Variants in BAIAP2 observed in about 807,000 individuals in gnomAD.
The protein encoded by BAIAP2 is BAR/IMD domain-containing adapter protein 2.
Under a neutral mutation model 63.0 loss-of-function variants are expected in BAIAP2, and 18 were observed. The observed-to-expected ratio is 0.29, with a 90% CI of 0.20 to 0.42. BAIAP2 has a LOEUF of 0.42. BAIAP2 is among the 10% of genes least tolerant of loss of function. The pLI is 1.00. For missense variants in BAIAP2, 610 were observed against 734.3 expected, an observed-to-expected ratio of 0.83 and a Z score of 1.96; for synonymous variants, 386 against 307.6, an observed-to-expected ratio of 1.25 and a Z score of -2.67.
intron 13 of BAIAP2, chr17:81,109,376 A>G: frequency 1.4e-5 from 3 of 206,902 alleles, no homozygotes; most frequent in Middle Eastern, 2.3e-3. Context: ...AAATCTTAAA[A>G]AAAAAAAAAA....
Position 81,076,961 on chromosome 17 carries a change from C to A in BAIAP2, c.218-7871C>A, listed in dbSNP as rs75419828. Among the ~76,000 whole-genome samples the A allele has an allele frequency of 3.4e-3, 521 of 152,182 alleles. 2 individuals are homozygous for A. Among genetic ancestry groups the A allele is most frequent in the African/African-American group, 0.012 (498 of 41,508 alleles). The stretch of plus-strand genomic sequence containing the variant: ...ACTCCAGCCTGGTGACAGAGTGAGA[C>A]CCCTGGCTCTAAAAAGACAAGAAGG... On this transcript the variant is annotated intron_variant, in intron 3 of 13. Coordinates refer to ENST00000428708, the MANE Select transcript of BAIAP2 (RefSeq NM_001144888.2).
In BAIAP2 at chr17:81,104,850, G is replaced by T. The variant is rs971215603; in HGVS notation, c.1268+135G>T. 5 of 965,966 alleles carry T rather than the reference G, an allele frequency of 5.2e-6. No individual in the cohort carries two copies. In the African/African-American group the frequency reaches 8.2e-5, roughly 16 times the overall value. 59.8% of individuals were successfully genotyped at this position (965,966 alleles called of 1,614,324 possible). On this transcript the variant is annotated intron_variant, in intron 10 of 13. Transcript: ENST00000428708. ...TGCGGGTCCTCGCCGTAGAAGACCT[G>T]GGCAGTGAGAGCAAGCGTGACCTGG...
chr17:81,092,435 G>A (rs1449047565), intron 6 of BAIAP2, among the ~76,000 whole-genome samples: 4 of 152,334 alleles, frequency 2.6e-5, no homozygotes, highest in South Asian at 2.1e-4. Context: ...GGAGGGGTGG[G>A]CGTGAGGTTG....
At chr17:81,070,678 G>A (rs1318698313) in intron 3 of BAIAP2, among the ~76,000 whole-genome samples, 4 of 152,138 alleles carry the variant, frequency 2.6e-5, no homozygotes, top group Non-Finnish European at 5.9e-5. Flanking sequence ...CTCAGCCCCC[G>A]CAGAGCCTCA....
Position 81,106,086 on chromosome 17 carries a change from G to T in BAIAP2, c.1277G>T (p.Trp426Leu). The T allele has an allele frequency of 6.3e-7, 1 of 1,577,652 alleles. No individual in the cohort carries two copies. The highest frequency in any genetic ancestry group is 8.6e-7 in the Non-Finnish European group (1 of 1,161,324). The change falls in exon 11 of 14, where the codon TGG becomes TTG. Residue 426 changes from tryptophan to leucine, a missense_variant. By Grantham distance (61) the Trp-to-Leu change is moderately conservative. This residue lies in a region of BAIAP2 where 67 missense variants were observed against 132.0 expected (regional missense o/e 0.51). Coordinates refer to ENST00000428708, the MANE Select transcript of BAIAP2 (RefSeq NM_001144888.2). ...TGGGGCCTCTCTTCCAGGCGGGGCT[G>T]GTTTCCCTTCTCCTACACCCGGGTC... is the stretch of plus-strand genomic sequence containing the variant. ...GESEKTKMRG[W>L]FPFSYTRVLD...
chr17:81,035,358 C>G, intron 1 of BAIAP2, 50 bp downstream of exon 1: 1 of 1,167,128 alleles, frequency 8.6e-7, no homozygotes, highest in Non-Finnish European at 1.1e-6. Context: ...GCGCCTGGGT[C>G]GCGCGCCGCC....
chr17:81,091,041 C>T (rs2056648844), intron 6 of BAIAP2, among the ~76,000 whole-genome samples: 1 of 147,470 alleles, frequency 6.8e-6, no homozygotes, highest in South Asian at 2.1e-4. Flanking sequence ...CCAGTGCATT[C>T]CACCCCGCCC....
chr17:81,049,660 G>A (rs750309420), intron 1 of BAIAP2, among the ~76,000 whole-genome samples: 3 of 152,222 alleles, frequency 2.0e-5, no homozygotes, highest in Non-Finnish European at 4.4e-5. Flanking sequence ...CGTCGGTGTG[G>A]CTGAGAACAG....
intron 7 of BAIAP2, among the ~76,000 whole-genome samples, chr17:81,103,076 C>T (rs2058707793): frequency 6.6e-6 from 1 of 152,222 alleles, no homozygotes; most frequent in South Asian, 2.1e-4. Flanking sequence ...TCTGACGGGG[C>T]TGCCTTCCTG....
chr17:81,048,532 C>CTGCT (rs1016583289), intron 1 of BAIAP2, among the ~76,000 whole-genome samples: 1 of 152,092 alleles, frequency 6.6e-6, no homozygotes, highest in Admixed American at 6.5e-5. Context: ...GGGGGTTTTG[C>CTGCT]TGCTGCCTTG....
At chr17:81,102,192 GGGCA>G (rs2058585566) in intron 7 of BAIAP2, among the ~76,000 whole-genome samples, 1 of 151,332 alleles carries the variant, frequency 6.6e-6, no homozygotes, top group Non-Finnish European at 1.5e-5. Context: ...CAGGGTGTGA[GGGCA>G]GCCTCCCAGG....
intron 6 of BAIAP2, among the ~76,000 whole-genome samples, chr17:81,096,795 G>A (rs1433758846): frequency 6.6e-6 from 1 of 152,270 alleles, no homozygotes; most frequent in Non-Finnish European, 1.5e-5. Flanking sequence ...CCCTGAATCT[G>A]GCTGTCGCAC....
In BAIAP2 at chr17:81,046,077, A is replaced by C. The variant is rs2047761451; in HGVS notation, c.55-7591A>C. Among the ~76,000 whole-genome samples, 1 of 151,936 alleles carries C rather than the reference A, an allele frequency of 6.6e-6. No individual in the cohort carries two copies. Among genetic ancestry groups the C allele is most frequent in the Admixed American group, 6.6e-5 (1 of 15,262 alleles). ...TCCCCTCGGCTGTGGGGACCCTATT[A>C]ATACTCACAGGGAGGCAGAGCTGCC... On this transcript the variant is annotated intron_variant, in intron 1 of 13. Transcript: ENST00000428708. The surrounding 1 kb of genome is among the most constrained non-coding windows in gnomAD (Gnocchi z 4.5).
intron 6 of BAIAP2, among the ~76,000 whole-genome samples, chr17:81,092,493 C>T (rs2145564578): frequency 6.6e-6 from 1 of 152,228 alleles, no homozygotes; most frequent in South Asian, 2.1e-4. Context: ...TCTCTGTCTG[C>T]CTGCCAGGGT....
chr17:81,063,567 A>AGGCG (rs2050952624), intron 3 of BAIAP2, among the ~76,000 whole-genome samples: 1 of 152,110 alleles, frequency 6.6e-6, no homozygotes, highest in African/African-American at 2.4e-5. Context: ...TAAGTGAAGG[A>AGGCG]GGCGTTCGTC....
chr17:81,103,936 C>G lies in BAIAP2; in HGVS notation c.894C>G (p.Ile298Met), dbSNP rs544940030. 39 of 1,613,036 alleles carry G rather than the reference C, an allele frequency of 2.4e-5. 2 individuals are homozygous for G. In the South Asian group the frequency reaches 4.1e-4, roughly 17 times the overall value. Residue 298 changes from isoleucine (I) to methionine (M), a missense_variant, in exon 9 of 14, where the codon ATC becomes ATG. Physicochemically the swap from Ile to Met is conservative, Grantham distance 10. Coordinates refer to ENST00000428708, the MANE Select transcript of BAIAP2 (RefSeq NM_001144888.2). ...GRMSAQESTPIMNGVTGPDGE... is the reference protein window; with the variant it reads ...GRMSAQESTPMMNGVTGPDGE... ...TGTCTGCCCAGGAGAGCACACCCAT[C>G]ATGAACGGCGTCACAGGCCCGGATG...
chr17:81,100,782 C>T (rs1429284732), intron 7 of BAIAP2, among the ~76,000 whole-genome samples: 5 of 152,142 alleles, frequency 3.3e-5, no homozygotes, highest in Admixed American at 1.3e-4. Context: ...GTGGCCTCCC[C>T]AGTCCCTCCC....
intron 1 of BAIAP2, among the ~76,000 whole-genome samples, chr17:81,049,402 G>A (rs1439993797): frequency 1.3e-5 from 2 of 152,170 alleles, no homozygotes; most frequent in African/African-American, 2.4e-5. Flanking sequence ...TGGGGGTGGC[G>A]CCTCTGAGGG....
At chr17:81,089,637 G>C (rs979407520) in intron 6 of BAIAP2, among the ~76,000 whole-genome samples, 2 of 152,062 alleles carry the variant, frequency 1.3e-5, no homozygotes, top group Admixed American at 6.5e-5. Flanking sequence ...GCAGGCGGAG[G>C]GGGAGAGGGA....
Sources: allele counts gnomAD v4.1 joint callset (sites outside exome capture counted in the v4.1 genomes callset), GRCh38; gene constraint gnomAD v4.1.1; regional missense constraint gnomAD v4.1.1; non-coding constraint Gnocchi (gnomAD v3.1); transcripts MANE v1.5; gene names NCBI Gene and HGNC (gene_info 2026-07-23, HGNC 2026-07-21).